The following TEX11 variants were observed in gnomAD, a reference collection of about 807,000 sequenced individuals.
TEX11 encodes the protein testis-expressed protein 11.
A neutral mutation model predicts 84.4 loss-of-function variants in TEX11; 7 were observed. That is an observed-to-expected ratio of 0.08 (90% CI 0.05 to 0.16). The LOEUF (loss-of-function observed/expected upper bound fraction) is 0.16. Among genes scored for constraint, TEX11 ranks in the 10% least tolerant of loss-of-function variants. The probability of loss-of-function intolerance (pLI) is 1.00; values close to 1 mark genes in which losing one functional copy is unlikely to be tolerated. For missense variants in TEX11, 551 were observed against 660.5 expected (o/e 0.83, Z 1.82); for synonymous variants, 264 against 222.8 (o/e 1.18, Z -1.64).
At chrX:70,585,352 A>T (rs1483845837) in intron 25 of TEX11, among the ~76,000 whole-genome samples, 2 of 112,455 alleles carry the variant, frequency 1.8e-5, no homozygotes, top group Non-Finnish European at 3.8e-5. Context: ...GATGAAAGAC[A>T]TTAAAGAAGA....
At chrX:70,595,681 T>C (rs1440440974) in intron 24 of TEX11, among the ~76,000 whole-genome samples, 1 of 111,002 alleles carries the variant, frequency 9.0e-6, no homozygotes, top group East Asian at 2.8e-4. Context: ...TTAGAAAACA[T>C]TCACTTAATG....
At chrX:70,765,631 ATAACT>A (rs1218738811) in intron 9 of TEX11, among the ~76,000 whole-genome samples, 3 of 109,997 alleles carry the variant, frequency 2.7e-5, no homozygotes, top group Non-Finnish European at 5.7e-5. Context: ...TACAAGGAAC[ATAACT>A]TAACATAATA....
rs371171546 is a variant in TEX11, at chrX:70,767,329, A to G, written c.693-23110T>C. Among the ~76,000 whole-genome samples the G allele has an allele frequency of 3.6e-5, 4 of 112,189 alleles. No homozygotes were observed. The East Asian group carries it at 1.1e-3, about 31-fold the overall frequency. On this transcript the variant is annotated intron_variant, in intron 9 of 29. Transcript: ENST00000374333. ...ACGATTTAGACATTTCTCACAGAAG[A>G]CACACAAATGGCAGGCAGACACATG...
intron 25 of TEX11, among the ~76,000 whole-genome samples, chrX:70,589,068 G>C (rs977074156): frequency 1.8e-5 from 2 of 111,041 alleles, no homozygotes; most frequent in Admixed American, 9.7e-5. Context: ...TTCTGTTTGG[G>C]ATGATGAAAA....
At chrX:70,609,971 C>A (rs966128647) in intron 21 of TEX11, among the ~76,000 whole-genome samples, 8 of 108,717 alleles carry the variant, frequency 7.4e-5, no homozygotes, top group Admixed American at 2.0e-4. Context: ...TGGACAGCTT[C>A]AAAATAAGAG....
chrX:70,600,423 C>G (rs961582578), intron 24 of TEX11, among the ~76,000 whole-genome samples: 1 of 110,992 alleles, frequency 9.0e-6, no homozygotes, highest in Non-Finnish European at 1.9e-5. Flanking sequence ...TAATGGGAGA[C>G]TTTAACTTCC....
chrX:70,763,452 TG>T (rs1435469502), intron 9 of TEX11, among the ~76,000 whole-genome samples: 6 of 110,475 alleles, frequency 5.4e-5, no homozygotes, highest in Non-Finnish European at 1.1e-4. Context: ...TGGAGGAAGA[TG>T]GAAGGGGGCT....
At chrX:70,694,766 C>T (rs772233289) in intron 13 of TEX11, among the ~76,000 whole-genome samples, 2 of 111,981 alleles carry the variant, frequency 1.8e-5, no homozygotes, top group African/African-American at 3.2e-5. Flanking sequence ...AGTATGATAG[C>T]GTGGCCCTGA....
intron 20 of TEX11, among the ~76,000 whole-genome samples, chrX:70,614,618 T>TAA (rs2089297954): frequency 8.9e-6 from 1 of 111,995 alleles, no homozygotes; most frequent in Non-Finnish European, 1.9e-5. Context: ...ACTAGCTGGT[T>TAA]TCACCACTTG....
At chrX:70,818,062 G>A (rs1244500699) in intron 8 of TEX11, among the ~76,000 whole-genome samples, 1 of 111,302 alleles carries the variant, frequency 9.0e-6, no homozygotes, top group Non-Finnish European at 1.9e-5. Context: ...GCCGAGGTGG[G>A]CGGATCACTT....
In TEX11 at chrX:70,601,534, C is replaced by CTTTTTTTTT. The variant is rs1182961993; in HGVS notation, c.2067+3858_2067+3866dup. On this transcript the variant is annotated intron_variant, in intron 24 of 29. Transcript: ENST00000374333. ...CTCATTTTATGAGGCCAGCATCATT[C>CTTTTTTTTT]TTTTTTTTTTTTTTTTTTTTTATTG... Among the ~76,000 whole-genome samples, 80 of 63,312 alleles carry CTTTTTTTTT rather than the reference C, an allele frequency of 1.3e-3. 1 individual carries two copies. The highest frequency in any genetic ancestry group is 2.2e-3 in the East Asian group (4 of 1,853). 55.0% of individuals were successfully genotyped at this position (63,312 alleles called of 115,157 possible).
chrX:70,879,946 A>G (rs762581375), intron 3 of TEX11, 42 bp downstream of exon 3: 1 of 1,103,458 alleles, frequency 9.1e-7, no homozygotes, highest in Non-Finnish European at 1.2e-6. Context: ...AAAATGAAGA[A>G]TCATCGAAAC....
chrX:70,705,512 G>A (rs1250882046), intron 13 of TEX11, among the ~76,000 whole-genome samples: 1 of 111,661 alleles, frequency 9.0e-6, no homozygotes, highest in Non-Finnish European at 1.9e-5. Flanking sequence ...TACCATCAGA[G>A]TGAACAGGCA....
intron 10 of TEX11, among the ~76,000 whole-genome samples, chrX:70,741,328 A>G (rs2090732550): frequency 8.9e-6 from 1 of 112,129 alleles, no homozygotes; most frequent in Admixed American, 9.5e-5. Context: ...AGCCAGACAT[A>G]AAACAGGACA....
chrX:70,857,056 A>G (rs1460788590), intron 5 of TEX11: 1 of 111,209 alleles, frequency 9.0e-6, no homozygotes, highest in Non-Finnish European at 1.9e-5. Flanking sequence ...ATAAAAATAC[A>G]TTGTCTTGGG....
At chrX:70,868,073 G>C (rs987372633) in intron 4 of TEX11, among the ~76,000 whole-genome samples, 2 of 111,362 alleles carry the variant, frequency 1.8e-5, no homozygotes, top group Non-Finnish European at 3.8e-5. Context: ...AGAAACTATC[G>C]TCAGGGTGAA....
In TEX11 at chrX:70,591,323, G is replaced by T. The variant is rs1175958222; in HGVS notation, c.2140+428C>A. On this transcript the variant is annotated intron_variant, in intron 25 of 29. Coordinates refer to ENST00000374333, the MANE Select transcript of TEX11 (RefSeq NM_031276.3). Reference sequence around the variant, plus strand: ...CAGCTCTTAAAGAATCATCTGGGCTGGGAGTGGTGGCTCACACCTGTAATC... The same window carrying T: ...CAGCTCTTAAAGAATCATCTGGGCTTGGAGTGGTGGCTCACACCTGTAATC... Among the ~76,000 whole-genome samples the T allele has an allele frequency of 4.5e-5, 5 of 110,910 alleles. No individual in the cohort carries two copies. In the Admixed American group the frequency reaches 4.8e-4, roughly 11 times the overall value.
At chrX:70,606,124 A>T (rs2089193160) in intron 23 of TEX11, among the ~76,000 whole-genome samples, 1 of 112,541 alleles carries the variant, frequency 8.9e-6, no homozygotes, top group South Asian at 3.6e-4. Context: ...CTAAACTTGC[A>T]AAGACTATTT....
At chrX:70,715,790 T>C (rs2090493463) in intron 13 of TEX11, among the ~76,000 whole-genome samples, 2 of 112,378 alleles carry the variant, frequency 1.8e-5, no homozygotes, top group African/African-American at 6.5e-5. Context: ...TTCTCTCCAC[T>C]TGTCAAAGTC....
Sources: gnomAD v4.1 joint callset for allele counts (sites outside exome capture counted in the v4.1 genomes callset) on GRCh38, gnomAD v4.1.1 for gene constraint, MANE v1.5 for transcripts, NCBI Gene and HGNC (gene_info 2026-07-23, HGNC 2026-07-21) for gene names.